The following CCT4 variants were observed in gnomAD, a reference collection of about 807,000 sequenced individuals.
The protein encoded by CCT4 is T-complex protein 1 subunit delta.
A neutral mutation model predicts 62.5 loss-of-function variants in CCT4; 17 were observed. That is an observed-to-expected ratio of 0.27 (90% confidence interval 0.19 to 0.41). CCT4 has a LOEUF of 0.41. Ranked by LOEUF, CCT4 falls within the 10% of genes least tolerant of loss-of-function variation. CCT4 has a pLI of 1.00. For missense variants in CCT4, 592 were observed against 659.2 expected (o/e 0.90, Z 1.12); for synonymous variants, 250 against 229.9 (o/e 1.09, Z -0.79).
intron 13 of CCT4, 110 bp from the exon 14 acceptor site, chr2:61,868,816 C>A: frequency 5.1e-6 from 4 of 778,638 alleles, no homozygotes; most frequent in Admixed American, 1.9e-5. Flanking sequence ...ACTGCTGTCA[C>A]CTTGATGACT....
intron 5 of CCT4, 88 bp from the exon 6 acceptor site, chr2:61,877,602 T>C: frequency 9.4e-7 from 1 of 1,064,132 alleles, no homozygotes; most frequent in Middle Eastern, 2.9e-4. Flanking sequence ...AGAAAGACTC[T>C]TATAATTTTT....
intron 2 of CCT4, 62 bp downstream of exon 2, chr2:61,884,958 C>G (rs995795022): frequency 9.3e-6 from 13 of 1,390,602 alleles, no homozygotes; most frequent in Non-Finnish European, 1.3e-5. Context: ...AACCCTTCAA[C>G]AAGATCTTGT....
At chr2:61,877,101 C>T (rs1474483690) in intron 6 of CCT4, 49 bp from the exon 7 acceptor site, 1 of 1,532,362 alleles carries the variant, frequency 6.5e-7, no homozygotes, top group Admixed American at 1.8e-5. Context: ...GAGTGGACAT[C>T]TGTACGTTTA....
chr2:61,888,324 G>C (rs1669307486), intron 1 of CCT4, 57 bp downstream of exon 1: 1 of 1,571,866 alleles, frequency 6.4e-7, no homozygotes, highest in East Asian at 2.3e-5. Flanking sequence ...TCAAGCCCAC[G>C]ATGAGAGCGC....
intron 8 of CCT4, 119 bp downstream of exon 8, chr2:61,875,976 T>A (rs1013927413): frequency 3.0e-5 from 18 of 599,378 alleles, no homozygotes; most frequent in Non-Finnish European, 4.9e-5. Context: ...AAGAGTTGTC[T>A]GTTAAGAAAT....
chr2:61,888,249 G>A (rs1208337062), intron 1 of CCT4, 132 bp downstream of exon 1: 2 of 1,108,962 alleles, frequency 1.8e-6, no homozygotes, highest in African/African-American at 3.2e-5. Context: ...TCCCTCCACT[G>A]GGCTGCTTCT....
At position 61,883,455 on chromosome 2, in the gene CCT4, T is replaced by C; in HGVS notation, c.270+4A>G. The C allele has an allele frequency of 7.1e-7, 1 of 1,408,566 alleles. No individual in the cohort carries two copies. Among genetic ancestry groups the C allele is most frequent in the Non-Finnish European group, 9.9e-7 (1 of 1,014,332 alleles). The allele number at this position is 1,408,566 out of a possible 1,614,324, so 87.3% of individuals were successfully genotyped here. ...AAAAAAGACTCACCTAAAATTACAC[T>C]TACCATTCTGGCTGCTGGATGTAAT... On this transcript the variant is annotated splice_donor_region_variant and intron_variant, in intron 3 of 13. Coordinates refer to ENST00000394440, the MANE Select transcript of CCT4 (RefSeq NM_006430.4).
At chr2:61,871,633 A>T (rs1668885700) in intron 12 of CCT4, among the ~76,000 whole-genome samples, 1 of 152,238 alleles carries the variant, frequency 6.6e-6, no homozygotes, top group South Asian at 2.1e-4. Flanking sequence ...ACATTAATAA[A>T]AAGTGATATT....
intron 9 of CCT4, 41 bp downstream of exon 9, chr2:61,873,156 T>A (rs985051971): frequency 6.8e-6 from 10 of 1,461,994 alleles, no homozygotes; most frequent in Admixed American, 1.7e-5. Flanking sequence ...ATTTATCTAA[T>A]TATCAGACAT....
intron 3 of CCT4, among the ~76,000 whole-genome samples, chr2:61,882,314 C>T (rs1189080831): frequency 2.0e-5 from 3 of 152,084 alleles, no homozygotes; most frequent in East Asian, 1.9e-4. Context: ...CCTTATTCCT[C>T]GAGTGTATGC....
At chr2:61,881,526 A>AC in intron 3 of CCT4, among the ~76,000 whole-genome samples, 1 of 152,268 alleles carries the variant, frequency 6.6e-6, no homozygotes, top group South Asian at 2.1e-4. Context: ...TACTATTTGT[A>AC]AAATAGTATG....
intron 1 of CCT4, chr2:61,886,155 A>C (rs1669243327): frequency 6.6e-6 from 1 of 152,290 alleles, no homozygotes; most frequent in Non-Finnish European, 1.5e-5. Flanking sequence ...TCACACTTGT[A>C]ATACCAGCAC....
intron 1 of CCT4, chr2:61,888,017 ATT>A (rs1669299332): frequency 5.0e-6 from 1 of 198,560 alleles, no homozygotes; most frequent in East Asian, 1.2e-4. Flanking sequence ...GATACTGTGC[ATT>A]CTACCAGTTC....
Position 61,868,619 on chromosome 2 carries a change from G to C in CCT4, c.*73C>G, listed in dbSNP as rs1468471165. On this transcript the variant is annotated 3_prime_UTR_variant, in exon 14 of 14. Coordinates refer to ENST00000394440, the MANE Select transcript of CCT4 (RefSeq NM_006430.4). The stretch of plus-strand genomic sequence containing the variant: ...CAGAGGAAATAATCTTCCAAACAAG[G>C]AACACCAAGGTGATCTTCTTCCATT... 1 of 1,145,646 alleles carries C rather than the reference G, an allele frequency of 8.7e-7. No individual in the cohort carries two copies. The highest frequency in any genetic ancestry group is 1.3e-6 in the Non-Finnish European group (1 of 762,820). The allele number at this position is 1,145,646 out of a possible 1,614,324, so 71.0% of individuals were successfully genotyped here.
intron 8 of CCT4, among the ~76,000 whole-genome samples, 198 bp downstream of exon 8, chr2:61,875,897 T>C (rs1668987299): frequency 6.6e-6 from 1 of 152,208 alleles, no homozygotes; most frequent in Admixed American, 6.5e-5. Context: ...GAGCAAATGA[T>C]GGTACAATAT....
Position 61,888,560 on chromosome 2 carries a change from T to A in CCT4, c.-53A>T. 1 of 1,585,250 alleles carries A rather than the reference T, an allele frequency of 6.3e-7. No individual in the cohort carries two copies. The highest frequency in any genetic ancestry group is 1.1e-5 in the South Asian group (1 of 88,954). On this transcript the variant is annotated 5_prime_UTR_variant, in exon 1 of 14. Transcript: ENST00000394440. ...TCGGGAAGGACGGATGGACCCGGATTCTGGCCGGCCGCAGTGTAATAACGG... is the reference window on the plus strand; with the variant it reads ...TCGGGAAGGACGGATGGACCCGGATACTGGCCGGCCGCAGTGTAATAACGG...
chr2:61,882,635 A>G (rs1420228399), intron 3 of CCT4, among the ~76,000 whole-genome samples: 1 of 151,892 alleles, frequency 6.6e-6, no homozygotes, highest in Admixed American at 6.6e-5. Context: ...CAGCCTCCTG[A>G]GTAGCTGAGA....
At chr2:61,884,878 A>G in intron 2 of CCT4, 142 bp downstream of exon 2, 1 of 651,752 alleles carries the variant, frequency 1.5e-6, no homozygotes, top group Non-Finnish European at 2.6e-6. Context: ...TCCTCCCCTC[A>G]CCCTCCCAAA....
chr2:61,869,317 C>A (rs1256213072), intron 13 of CCT4, 123 bp downstream of exon 13: 2 of 625,596 alleles, frequency 3.2e-6, no homozygotes, highest in Non-Finnish European at 5.9e-6. Flanking sequence ...GCCTGGGCAA[C>A]AGAGCAAAAC....
Sources: gnomAD v4.1 joint callset for allele counts (sites outside exome capture counted in the v4.1 genomes callset) on GRCh38, gnomAD v4.1.1 for gene constraint, MANE v1.5 for transcripts, NCBI Gene and HGNC (gene_info 2026-07-23, HGNC 2026-07-21) for gene names.